The following VPS13A variants were observed in gnomAD, a reference collection of about 807,000 sequenced individuals.
The protein encoded by VPS13A is vacuolar protein sorting 13 homolog A, also known as intermembrane lipid transfer protein VPS13A.
A neutral mutation model predicts 390.9 loss-of-function variants in VPS13A; 264 were observed. The observed-to-expected ratio is 0.68, with a 90% CI of 0.61 to 0.75. The LOEUF (loss-of-function observed/expected upper bound fraction) is 0.75, where lower values mean the gene tolerates loss of function less well. Among genes scored for constraint, VPS13A ranks in the 30% least tolerant of loss-of-function variants. VPS13A has a pLI of 0.00. For synonymous variants in VPS13A, 1,231 were observed against 1,227.1 expected (o/e 1.00, Z -0.07); for missense variants, 3,409 against 3,733.9 (o/e 0.91, Z 2.27).
At chr9:77,215,017 C>T (rs574410732) in intron 10 of VPS13A, among the ~76,000 whole-genome samples, 5 of 152,220 alleles carry the variant, frequency 3.3e-5, no homozygotes, top group African/African-American at 4.8e-5. Flanking sequence ...CTGCCCGCCT[C>T]GGCCTTCCAA....
intron 55 of VPS13A, among the ~76,000 whole-genome samples, chr9:77,357,336 AAAAAAAG>A (rs1831861629): frequency 6.7e-6 from 1 of 150,354 alleles, no homozygotes; most frequent in Non-Finnish European, 1.5e-5. Flanking sequence ...AAAAAAAAAA[AAAAAAAG>A]AAAAGAAAAC....
At position 77,210,716 on chromosome 9, in the gene VPS13A, C is replaced by T. The variant is rs546023010; in HGVS notation, c.555+41C>T. On this transcript the variant is annotated intron_variant, in intron 7 of 71. Coordinates refer to ENST00000360280, the MANE Select transcript of VPS13A (RefSeq NM_033305.3). ...AAGAATCTTAACCATATTTAATGTGCAATATAGTCTATTAAACTGCTACTA... is the reference window on the plus strand; with the variant it reads ...AAGAATCTTAACCATATTTAATGTGTAATATAGTCTATTAAACTGCTACTA... 734 of 1,582,276 alleles carry T rather than the reference C, an allele frequency of 4.6e-4. 10 individuals are homozygous for T. In the South Asian group the frequency reaches 7.5e-3, roughly 16 times the overall value.
chr9:77,241,531 T>A (rs1034887647), intron 19 of VPS13A, among the ~76,000 whole-genome samples: 3 of 152,082 alleles, frequency 2.0e-5, no homozygotes, highest in African/African-American at 7.2e-5. Context: ...TATGAAGACT[T>A]TTGTGGTTCT....
In VPS13A at chr9:77,261,792, C is replaced by T. The variant is rs141657169; in HGVS notation, c.2427+1568C>T. 4.5e-3 allele frequency among the ~76,000 whole-genome samples: 685 copies of T among 152,128 alleles called. 5 individuals are homozygous for T. The highest frequency in any genetic ancestry group is 0.016 in the African/African-American group (647 of 41,510). On this transcript the variant is annotated intron_variant, in intron 23 of 71. Transcript: ENST00000360280. ...CCGAGATGGAGTTTCACCATGTTGG[C>T]CAGGCTGGTCTTAAAATCCTGACCT...
rs1227181918 is a variant in VPS13A at position 77,382,046 on chromosome 9, C to T, written c.9148C>T (p.Pro3050Ser). Residue 3050 changes from proline (P) to serine (S), a missense_variant, in exon 68 of 72, where the codon CCG (proline) becomes TCG (serine). Transcript: ENST00000360280. ...RFFNEDGVIRPYRLRDGTGNQ... is the reference protein window; with the variant it reads ...RFFNEDGVIRSYRLRDGTGNQ... ...CTTCAATGAAGATGGAGTTATCAGA[C>T]CGTACAGGTTGAGGGATGGGACTGG... 5.0e-6 allele frequency: 8 copies of T among 1,608,240 alleles called. No homozygotes were observed. Among genetic ancestry groups the T allele is most frequent in the African/African-American group, 1.3e-5 (1 of 74,774 alleles).
Position 77,407,615 on chromosome 9 carries a change from T to TAATA in VPS13A, c.9474+12_9474+15dup. 6.3e-7 allele frequency: 1 copy of TAATA among 1,594,942 alleles called. No homozygotes were observed. The highest frequency in any genetic ancestry group is 1.1e-5 in the South Asian group (1 of 90,474). On this transcript the variant is annotated intron_variant, in intron 71 of 71. Coordinates refer to ENST00000360280, the MANE Select transcript of VPS13A (RefSeq NM_033305.3). ...ACCCCAGAGGATGCCAGGGTAAATATAATAAATCTTTTATTTAAATAGGAG... is the reference window on the plus strand; with the variant it reads ...ACCCCAGAGGATGCCAGGGTAAATATAATAAATAAATCTTTTATTTAAATAGGAG...
chr9:77,286,111 G>A (rs1207371675), intron 31 of VPS13A, among the ~76,000 whole-genome samples: 1 of 152,124 alleles, frequency 6.6e-6, no homozygotes, highest in Non-Finnish European at 1.5e-5. Flanking sequence ...GTGTGTAGCT[G>A]TCTTTTTTTT....
chr9:77,218,189 C>T (rs1411677535), intron 10 of VPS13A, among the ~76,000 whole-genome samples: 1 of 148,068 alleles, frequency 6.8e-6, no homozygotes, highest in Non-Finnish European at 1.5e-5. Context: ...TCTTGGCTCA[C>T]TGTAAGCTCC....
At chr9:77,302,009 G>C (rs1016353269) in intron 33 of VPS13A, among the ~76,000 whole-genome samples, 5 of 151,150 alleles carry the variant, frequency 3.3e-5, no homozygotes, top group South Asian at 2.1e-4. Flanking sequence ...CCAGGCTGGA[G>C]AGCAATGGCA....
intron 5 of VPS13A, 38 bp downstream of exon 5, chr9:77,206,117 G>A: frequency 7.5e-7 from 1 of 1,331,084 alleles, no homozygotes; most frequent in South Asian, 1.3e-5. Context: ...AATAAGAGAA[G>A]TAGAAAAGAC....
At chr9:77,374,333 A>G (rs939490418) in intron 67 of VPS13A, among the ~76,000 whole-genome samples, 5 of 152,204 alleles carry the variant, frequency 3.3e-5, no homozygotes, top group Non-Finnish European at 7.3e-5. Context: ...GACAATTATA[A>G]CAATATACTG....
At chr9:77,323,697 TTC>T (rs1434267243) in intron 45 of VPS13A, among the ~76,000 whole-genome samples, 3 of 152,266 alleles carry the variant, frequency 2.0e-5, no homozygotes, top group East Asian at 1.9e-4. Flanking sequence ...TAGAAAAATT[TTC>T]TGTTTCCCCA....
At chr9:77,384,451 C>A in intron 68 of VPS13A, 2 of 1,243,206 alleles carry the variant, frequency 1.6e-6, no homozygotes, top group East Asian at 2.3e-5. Flanking sequence ...TAATTACAGT[C>A]TGAGTCATAG....
In VPS13A at chr9:77,420,580, A is replaced by G. The variant is rs1409796067; in HGVS notation, c.*4574A>G. The G allele has an allele frequency of 6.6e-6, 1 of 152,298 alleles. No individual in the cohort carries two copies. Among genetic ancestry groups the G allele is most frequent in the East Asian group, 1.9e-4 (1 of 5,188 alleles). The allele number at this position is 152,298 out of a possible 1,614,324, so 9.4% of individuals were successfully genotyped here. ...ATTTTTAAAGTTTTTATTACTTTAT[A>G]CAAATACAAATTAATTTATATTATA... On this transcript the variant is annotated 3_prime_UTR_variant, in exon 72 of 72. Transcript: ENST00000360280.
intron 42 of VPS13A, 33 bp downstream of exon 42, chr9:77,319,706 A>C (rs1480494632): frequency 9.2e-7 from 1 of 1,090,324 alleles, no homozygotes; most frequent in Non-Finnish European, 1.3e-6. Context: ...GTGTATATAT[A>C]TATATATGTA....
intron 68 of VPS13A, among the ~76,000 whole-genome samples, chr9:77,396,556 T>G (rs1001665457): frequency 1.3e-5 from 2 of 152,202 alleles, no homozygotes; most frequent in African/African-American, 4.8e-5. Flanking sequence ...AATCATTAAG[T>G]TTTGAGGTAA....
rs186092972 is a variant in VPS13A at position 77,344,954 on chromosome 9, T to G, written c.7156-55T>G. Reference sequence around the variant, plus strand: ...ATAGTCTGTTCTTAAATGTTATTAGTTAATATTCTTGGGAAAATGATTACA... The same window carrying G: ...ATAGTCTGTTCTTAAATGTTATTAGGTAATATTCTTGGGAAAATGATTACA... On this transcript the variant is annotated intron_variant, in intron 51 of 71. Coordinates refer to ENST00000360280, the MANE Select transcript of VPS13A (RefSeq NM_033305.3). 147 of 1,569,896 alleles carry G rather than the reference T, an allele frequency of 9.4e-5. No individual in the cohort carries two copies. In the African/African-American group the frequency reaches 1.8e-3, roughly 19 times the overall value.
chr9:77,348,599 G>A (rs751519497), intron 52 of VPS13A, among the ~76,000 whole-genome samples: 31 of 151,916 alleles, frequency 2.0e-4, no homozygotes, highest in African/African-American at 7.2e-4. Flanking sequence ...CGTTCTGCAC[G>A]TGTATTCTGG....
intron 7 of VPS13A, among the ~76,000 whole-genome samples, chr9:77,211,949 A>T (rs1825996422): frequency 6.6e-6 from 1 of 152,120 alleles, no homozygotes; most frequent in African/African-American, 2.4e-5. Flanking sequence ...ATCCTAGCGA[A>T]CCTTATTGTG....
Sources: allele counts gnomAD v4.1 joint callset (sites outside exome capture counted in the v4.1 genomes callset), GRCh38; gene constraint gnomAD v4.1.1; transcripts MANE v1.5; gene names NCBI Gene and HGNC (gene_info 2026-07-23, HGNC 2026-07-21).